THAP4: variants seen among roughly 807,000 people sequenced by gnomAD.
THAP4 encodes THAP domain containing 4.
THAP4 carries 18 observed loss-of-function variants against 48.1 expected under a neutral mutation model. The observed-to-expected ratio is 0.37, with a 90% CI of 0.26 to 0.56. The LOEUF is 0.56. Among genes scored for constraint, THAP4 ranks in the 20% least tolerant of loss-of-function variants. The pLI, the probability that THAP4 is intolerant of heterozygous loss-of-function variation, is 0.78. For missense variants in THAP4, 656 were observed against 774.9 expected, an observed-to-expected ratio of 0.85 and a Z score of 1.82; for synonymous variants, 345 against 324.9, an observed-to-expected ratio of 1.06 and a Z score of -0.66.
chr2:241,630,771 C>T (rs2067547126), intron 2 of THAP4, among the ~76,000 whole-genome samples: 2 of 146,058 alleles, frequency 1.4e-5, no homozygotes, highest in Admixed American at 1.4e-4. Context: ...AAGAGCAAAA[C>T]TCCGTCTCAA....
intron 5 of THAP4, among the ~76,000 whole-genome samples, chr2:241,599,325 C>T (rs779648953): frequency 6.6e-6 from 1 of 151,820 alleles, no homozygotes; most frequent in African/African-American, 2.4e-5. Context: ...TGGTGACACA[C>T]AGAACTATTT....
intron 3 of THAP4, among the ~76,000 whole-genome samples, chr2:241,605,504 A>G (rs908951438): frequency 2.6e-5 from 4 of 152,180 alleles, no homozygotes; most frequent in Non-Finnish European, 5.9e-5. Flanking sequence ...AGAGGCCTAC[A>G]CTGCTATCTC....
At chr2:241,637,576 T>C, upstream of THAP4, 1 of 1,511,272 alleles carries the variant, frequency 6.6e-7, no homozygotes, top group Non-Finnish European at 8.8e-7. Context: ...GGCTCCCGCG[T>C]ATTTCCGCTC....
rs771177803 is a variant in THAP4 at position 241,633,202 on chromosome 2, C to T, written c.955G>A (p.Glu319Lys). ...PKPATEAVQSEHSDASPMSIN... is the reference protein window; with the variant it reads ...PKPATEAVQSKHSDASPMSIN... ...GACATGGGGCTGGCGTCGCTGTGCT[C>T]GCTCTGCACGGCTTCCGTGGCTGGC... The change falls in exon 2 of 6, where the codon GAG (glutamate) becomes AAG (lysine). Residue 319 changes from glutamate to lysine, a missense_variant. Physicochemically the swap from Glu to Lys is moderately conservative, Grantham distance 56. Transcript: ENST00000407315. The surrounding 1 kb of genome is among the most constrained non-coding windows in gnomAD (Gnocchi z 7.5). The T allele has an allele frequency of 2.0e-5, 32 of 1,608,592 alleles. 1 individual carries two copies. The highest frequency in any genetic ancestry group is 6.7e-5 in the East Asian group (3 of 44,772).
chr2:241,609,128 T>C (rs557706892), intron 2 of THAP4, among the ~76,000 whole-genome samples: 2 of 152,298 alleles, frequency 1.3e-5, no homozygotes, highest in Admixed American at 6.5e-5. Context: ...GCAAAAACCC[T>C]TGTGGCAGAG....
rs745815785 is a variant in THAP4, at chr2:241,612,141, G to A, written c.1241-5668C>T. Among the ~76,000 whole-genome samples, 6 of 152,026 alleles carry A rather than the reference G, an allele frequency of 3.9e-5. No individual in the cohort carries two copies. Among genetic ancestry groups the A allele is most frequent in the Non-Finnish European group, 5.9e-5 (4 of 68,024 alleles). ...GGTGAAACATGACCTGGCAGAAGTC[G>A]AGAAAGTAAAAGAAAAAAAATCAAG... On this transcript the variant is annotated intron_variant, in intron 2 of 5. Transcript: ENST00000407315. The surrounding 1 kb of genome is among the most constrained non-coding windows in gnomAD (Gnocchi z 4.1).
Position 241,612,531 on chromosome 2 carries a change from C to T in THAP4, c.1241-6058G>A, listed in dbSNP as rs1026191435. ...CCAAAGTGGAAACAACACAGATGTC[C>T]GTCAACCAATGAGTAAACAAACTGC... On this transcript the variant is annotated intron_variant, in intron 2 of 5. Transcript: ENST00000407315. This position sits in a 1 kb window ranked among gnomAD's most constrained non-coding sequence, Gnocchi z 4.1. Among the ~76,000 whole-genome samples the T allele has an allele frequency of 2.2e-4, 34 of 152,278 alleles. No individual in the cohort carries two copies. Among genetic ancestry groups the T allele is most frequent in the African/African-American group, 7.5e-4 (31 of 41,544 alleles).
chr2:241,590,293 C>T (rs200269464), intron 5 of THAP4, among the ~76,000 whole-genome samples: 633 of 32,392 alleles, frequency 0.02, no homozygotes, highest in South Asian at 0.083. Flanking sequence ...TCAGAGCTGC[C>T]CGGCTGATGA....
At chr2:241,585,071 T>C (rs1666236152) in intron 5 of THAP4, 3 of 252,692 alleles carry the variant, frequency 1.2e-5, no homozygotes, top group Non-Finnish European at 2.4e-5. Flanking sequence ...CACCTTTTTT[T>C]GGTCTCTACA....
intron 2 of THAP4, among the ~76,000 whole-genome samples, chr2:241,629,388 T>C (rs377503525): frequency 1.5e-4 from 23 of 151,826 alleles, no homozygotes; most frequent in African/African-American, 4.8e-4. Context: ...GGAGGATGGC[T>C]TGAGCCCAGG....
rs2125082920 is a variant in THAP4, at chr2:241,610,101, C to T, written c.1241-3628G>A. Among the ~76,000 whole-genome samples the T allele has an allele frequency of 6.6e-6, 1 of 152,320 alleles. No homozygotes were observed. The highest frequency in any genetic ancestry group is 3.4e-3 in the Middle Eastern group (1 of 294). On this transcript the variant is annotated intron_variant, in intron 2 of 5. Transcript: ENST00000407315. This position sits in a 1 kb window ranked among gnomAD's most constrained non-coding sequence, Gnocchi z 4.2. ...GGTCCCGAGGGCCCCGAGGAAGAGG[C>T]CAAGGGGCCTGGCGGCGCCCCCCAG...
In THAP4 at chr2:241,625,819, A is replaced by AAAAAG. The variant is rs1281890829; in HGVS notation, c.1240+7097_1240+7098insCTTTT. Among the ~76,000 whole-genome samples the AAAAAG allele has an allele frequency of 1.7e-3, 246 of 140,764 alleles. 1 individual carries two copies. The highest frequency in any genetic ancestry group is 6.5e-3 in the African/African-American group (232 of 35,870). 92.3% of individuals were successfully genotyped at this position (140,764 alleles called of 152,430 possible). Reference sequence around the variant, plus strand: ...TCTCAAAAAAAAAAAAAAAAAAAAAAAAAAAGAAAAAAGAAAACTACAGAC... The same window carrying AAAAAG: ...TCTCAAAAAAAAAAAAAAAAAAAAAAAAAAGAAAAAGAAAAAAGAAAACTACAGAC... On this transcript the variant is annotated intron_variant, in intron 2 of 5. Transcript: ENST00000407315.
rs1159799039 is a variant in THAP4 at position 241,610,255 on chromosome 2, C to G, written c.1241-3782G>C. Among the ~76,000 whole-genome samples, 3 of 152,196 alleles carry G rather than the reference C, an allele frequency of 2.0e-5. No homozygotes were observed. Among genetic ancestry groups the G allele is most frequent in the African/African-American group, 7.2e-5 (3 of 41,464 alleles). On this transcript the variant is annotated intron_variant, in intron 2 of 5. Coordinates refer to ENST00000407315, the MANE Select transcript of THAP4 (RefSeq NM_015963.6). This position sits in a 1 kb window ranked among gnomAD's most constrained non-coding sequence, Gnocchi z 4.2. ...AAGTCCTGCCTCTGCTCCCGGGCGG[C>G]CCCCTCCAGCCTCCGCCGGCCCCGC...
intron 2 of THAP4, among the ~76,000 whole-genome samples, chr2:241,608,442 C>T (rs1045008768): frequency 2.6e-5 from 4 of 152,150 alleles, no homozygotes; most frequent in Admixed American, 6.5e-5. Flanking sequence ...CTCAGACTCC[C>T]GGTGAAAAGT....
upstream of THAP4, chr2:241,637,378 G>T: frequency 2.2e-6 from 3 of 1,393,932 alleles, no homozygotes; most frequent in Non-Finnish European, 2.8e-6. Context: ...ATGGCTGCTC[G>T]GACGGGGACA....
At chr2:241,628,925 C>CAAAA (rs34034619) in intron 2 of THAP4, among the ~76,000 whole-genome samples, 10 of 64,320 alleles carry the variant, frequency 1.6e-4, no homozygotes, top group African/African-American at 2.4e-4. Flanking sequence ...GAGATTGTCT[C>CAAAA]AAAAAAAAAA....
At chr2:241,626,215 G>C (rs899837138) in intron 2 of THAP4, among the ~76,000 whole-genome samples, 4 of 152,148 alleles carry the variant, frequency 2.6e-5, no homozygotes, top group Non-Finnish European at 5.9e-5. Context: ...GGCTGAGGCG[G>C]GCAGATCATG....
At chr2:241,604,867 TTC>T (rs1286493829) in intron 3 of THAP4, among the ~76,000 whole-genome samples, 1 of 152,166 alleles carries the variant, frequency 6.6e-6, no homozygotes, top group African/African-American at 2.4e-5. Context: ...CAAGATAAAT[TTC>T]TGTTGGGCTA....
intron 5 of THAP4, among the ~76,000 whole-genome samples, chr2:241,600,297 C>T (rs894602112): frequency 8.6e-5 from 13 of 152,018 alleles, no homozygotes; most frequent in African/African-American, 2.7e-4. Flanking sequence ...GGATGGAATT[C>T]GATGAATGGT....
Sources: gnomAD v4.1 joint callset for allele counts (sites outside exome capture counted in the v4.1 genomes callset) on GRCh38, gnomAD v4.1.1 for gene constraint, Gnocchi (gnomAD v3.1) non-coding constraint, MANE v1.5 for transcripts, NCBI Gene and HGNC (gene_info 2026-07-23, HGNC 2026-07-21) for gene names.